The following BAIAP2 variants were observed in gnomAD, a reference collection of about 807,000 sequenced individuals.
BAIAP2 encodes BAR/IMD domain-containing adapter protein 2.
In BAIAP2, 18 loss-of-function variants were observed where a neutral mutation model predicts 63.0. The ratio of observed to expected loss-of-function variants is 0.29; its 90% CI spans 0.20 to 0.42. BAIAP2 has a LOEUF of 0.42. BAIAP2 is among the 10% of genes least tolerant of loss of function. BAIAP2 has a pLI of 1.00. For missense variants in BAIAP2, 610 were observed against 734.3 expected (o/e 0.83, Z 1.96); for synonymous variants, 386 against 307.6 (o/e 1.25, Z -2.67).
intron 3 of BAIAP2, among the ~76,000 whole-genome samples, chr17:81,058,326 A>G (rs556851068): frequency 1.3e-5 from 2 of 152,342 alleles, no homozygotes; most frequent in Non-Finnish European, 2.9e-5. Flanking sequence ...AAAGGATGCA[A>G]GCCCACGTGT....
At chr17:81,073,559 A>G (rs373591356) in intron 3 of BAIAP2, among the ~76,000 whole-genome samples, 2 of 152,186 alleles carry the variant, frequency 1.3e-5, no homozygotes, top group East Asian at 3.9e-4. Flanking sequence ...ACCCTCGGGC[A>G]GGGTCTGAGC....
intron 2 of BAIAP2, among the ~76,000 whole-genome samples, chr17:81,054,342 G>GGT (rs1231501786): frequency 1.3e-5 from 2 of 152,116 alleles, no homozygotes; most frequent in East Asian, 1.9e-4. Context: ...GGCCCCGTGG[G>GGT]GTGGGAGCTG....
At chr17:81,045,056 T>C (rs551720491) in intron 1 of BAIAP2, among the ~76,000 whole-genome samples, 1 of 151,284 alleles carries the variant, frequency 6.6e-6, no homozygotes, top group South Asian at 2.1e-4. Context: ...TGCTTGGTGC[T>C]GTGTTTGGAC....
intron 6 of BAIAP2, among the ~76,000 whole-genome samples, chr17:81,091,211 A>G (rs970521932): frequency 2.1e-3 from 12 of 5,794 alleles, no homozygotes; most frequent in African/African-American, 8.7e-3. Flanking sequence ...ACCCCACCCC[A>G]CAGGCCTCCT....
Position 81,116,187 on chromosome 17 carries a change from C to T in BAIAP2, c.*348C>T, listed in dbSNP as rs1314613886. The T allele has an allele frequency of 3.1e-6, 5 of 1,608,196 alleles. No homozygotes were observed. The African/African-American group carries it at 5.3e-5, about 17-fold the overall frequency. ...TGGCTGGGAGGGGAGCCTGGCTGCC[C>T]TGCTGCTTCTCCTGCCTAATAAACA... is the stretch of plus-strand genomic sequence containing the variant. On this transcript the variant is annotated 3_prime_UTR_variant, in exon 14 of 14. Transcript: ENST00000428708.
chr17:81,107,189 C>G (rs1056172579), intron 12 of BAIAP2: 9 of 461,238 alleles, frequency 2.0e-5, no homozygotes, highest in Middle Eastern at 5.5e-4. Flanking sequence ...ACTCACTGCT[C>G]TGTCCAAGGG....
chr17:81,099,513 G>A (rs1409052637), intron 6 of BAIAP2, among the ~76,000 whole-genome samples: 3 of 152,158 alleles, frequency 2.0e-5, no homozygotes, highest in Non-Finnish European at 4.4e-5. Flanking sequence ...CAGGGGGAAG[G>A]ACCAAGAAGC....
At chr17:81,059,119 C>T (rs1363486844) in intron 3 of BAIAP2, among the ~76,000 whole-genome samples, 6 of 151,840 alleles carry the variant, frequency 4.0e-5, no homozygotes, top group African/African-American at 1.5e-4. Flanking sequence ...GGACCCTCAT[C>T]GGAGCCCCCC....
chr17:81,052,036 C>T (rs1438342827), intron 1 of BAIAP2, among the ~76,000 whole-genome samples: 1 of 152,226 alleles, frequency 6.6e-6, no homozygotes, highest in East Asian at 1.9e-4. Flanking sequence ...TGCTCAGACC[C>T]TCCTTAGCTT....
intron 3 of BAIAP2, among the ~76,000 whole-genome samples, chr17:81,058,296 C>G (rs1024202290): frequency 2.6e-5 from 4 of 152,156 alleles, no homozygotes; most frequent in Non-Finnish European, 5.9e-5. Flanking sequence ...GAATTCATTC[C>G]TGGTATTAAA....
At chr17:81,056,998 T>C (rs1024923775) in intron 2 of BAIAP2, among the ~76,000 whole-genome samples, 12 of 152,276 alleles carry the variant, frequency 7.9e-5, no homozygotes, top group Non-Finnish European at 1.8e-4. Context: ...TCTGTGGACG[T>C]GGTCTTGTGC....
At chr17:81,105,116 AG>A (rs1001589561) in intron 10 of BAIAP2, 3 of 160,386 alleles carry the variant, frequency 1.9e-5, no homozygotes, top group African/African-American at 8.1e-5. Flanking sequence ...CCCCAGTGGC[AG>A]GGGTCTGCCC....
rs1270952324 is a variant in BAIAP2, at chr17:81,077,340, G to A, written c.218-7492G>A. On this transcript the variant is annotated intron_variant, in intron 3 of 13. Transcript: ENST00000428708. ...CCAGCACTTTGGGAGGACGGGGTGG[G>A]TGGATCACCTGAGGTCAGGAGTTTG... 3.3e-5 allele frequency among the ~76,000 whole-genome samples: 5 copies of A among 152,260 alleles called. No individual in the cohort carries two copies. In the South Asian group the frequency reaches 1.0e-3, roughly 32 times the overall value.
At chr17:81,065,702 A>G (rs949442429) in intron 3 of BAIAP2, among the ~76,000 whole-genome samples, 1 of 152,178 alleles carries the variant, frequency 6.6e-6, no homozygotes, top group Non-Finnish European at 1.5e-5. Flanking sequence ...GCCTGGGTCT[A>G]TGCTGGCCAA....
At chr17:81,049,039 T>C (rs1402291707) in intron 1 of BAIAP2, among the ~76,000 whole-genome samples, 1 of 152,124 alleles carries the variant, frequency 6.6e-6, no homozygotes, top group Non-Finnish European at 1.5e-5. Flanking sequence ...TGTTCCCTGG[T>C]CAATAGTGAA....
intron 1 of BAIAP2, among the ~76,000 whole-genome samples, chr17:81,051,989 C>T (rs2048745627): frequency 6.6e-6 from 1 of 152,218 alleles, no homozygotes; most frequent in Admixed American, 6.5e-5. Flanking sequence ...CGCATCTGAC[C>T]CAGCGGAATC....
At chr17:81,052,021 C>T (rs184190336) in intron 1 of BAIAP2, among the ~76,000 whole-genome samples, 345 of 152,346 alleles carry the variant, frequency 2.3e-3, no homozygotes, top group African/African-American at 2.9e-3. Context: ...GCTGGCCCAT[C>T]GTTCTGCTCA....
At chr17:81,112,915 G>T (rs1159471233) in intron 13 of BAIAP2, among the ~76,000 whole-genome samples, 3 of 152,166 alleles carry the variant, frequency 2.0e-5, no homozygotes, top group Admixed American at 6.5e-5. Flanking sequence ...AATTAGCCAG[G>T]CATGGTGGCA....
intron 7 of BAIAP2, 87 bp downstream of exon 7, chr17:81,100,167 A>G: frequency 6.9e-7 from 1 of 1,457,432 alleles, no homozygotes; most frequent in Non-Finnish European, 9.1e-7. Flanking sequence ...CAGCCCCGTG[A>G]ACACACCGGG....
Sources: gnomAD v4.1 joint callset for allele counts (sites outside exome capture counted in the v4.1 genomes callset) on GRCh38, gnomAD v4.1.1 for gene constraint, MANE v1.5 for transcripts, NCBI Gene and HGNC (gene_info 2026-07-23, HGNC 2026-07-21) for gene names.